SPOCK3: variants seen among roughly 807,000 people sequenced by gnomAD.
SPOCK3 encodes the protein testican-3.
Under a neutral mutation model 56.6 loss-of-function variants are expected in SPOCK3, and 30 were observed. The observed-to-expected ratio is 0.53, with a 90% CI of 0.40 to 0.72. The LOEUF (loss-of-function observed/expected upper bound fraction) is 0.72, where lower values mean the gene tolerates loss of function less well. Among genes scored for constraint, SPOCK3 ranks in the 30% least tolerant of loss-of-function variants. The pLI is 0.00. For synonymous variants in SPOCK3, 196 were observed against 183.3 expected (o/e 1.07, Z -0.56); for missense variants, 527 against 530.0 (o/e 0.99, Z 0.06).
At chr4:167,182,384 G>A (rs1160839046) in intron 2 of SPOCK3, among the ~76,000 whole-genome samples, 2 of 133,264 alleles carry the variant, frequency 1.5e-5, no homozygotes, top group Non-Finnish European at 3.2e-5. Flanking sequence ...ATTCTAGAAG[G>A]AATTCCTTAA....
At chr4:167,070,126 T>C (rs957810738) in intron 2 of SPOCK3, among the ~76,000 whole-genome samples, 9 of 151,868 alleles carry the variant, frequency 5.9e-5, no homozygotes, top group Non-Finnish European at 1.0e-4. Flanking sequence ...TCCACCCAAA[T>C]AGAACATAAT....
chr4:167,007,561 C>T (rs1323546244), intron 3 of SPOCK3, among the ~76,000 whole-genome samples: 4 of 152,062 alleles, frequency 2.6e-5, no homozygotes, highest in African/African-American at 9.7e-5. Flanking sequence ...CCTTACTGCA[C>T]TCTCCATAAA....
intron 2 of SPOCK3, among the ~76,000 whole-genome samples, chr4:167,105,535 A>G (rs1760043769): frequency 6.6e-6 from 1 of 150,836 alleles, no homozygotes. Context: ...AGGAAGGAAG[A>G]AACCAAGGAA....
At chr4:166,858,205 T>C (rs1730885036) in intron 6 of SPOCK3, among the ~76,000 whole-genome samples, 1 of 152,186 alleles carries the variant, frequency 6.6e-6, no homozygotes, top group Non-Finnish European at 1.5e-5. Flanking sequence ...TAAGAGTTAG[T>C]ATCTGGCAGC....
chr4:166,881,448 A>G (rs868486756), intron 6 of SPOCK3, among the ~76,000 whole-genome samples: 2 of 152,104 alleles, frequency 1.3e-5, no homozygotes, highest in African/African-American at 4.8e-5. Flanking sequence ...ACTTACTTGT[A>G]TCAAATATAT....
chr4:166,941,813 G>A (rs1741099299), intron 4 of SPOCK3, among the ~76,000 whole-genome samples: 1 of 152,092 alleles, frequency 6.6e-6, no homozygotes, highest in Admixed American at 6.6e-5. Flanking sequence ...AGTAAGAACC[G>A]AGCCTTTAGG....
rs573713632 is a variant in SPOCK3, at chr4:166,733,717, A to G, written c.*1204T>C. On this transcript the variant is annotated 3_prime_UTR_variant, in exon 11 of 11. Coordinates refer to ENST00000357545, the MANE Select transcript of SPOCK3 (RefSeq NM_001040159.2). ...CTAACTTAAATACAGCGGTTAAAGT[A>G]ATTTTTGCTACAGTTAAATCTTAAA... is the stretch of plus-strand genomic sequence containing the variant. The G allele has an allele frequency of 1.3e-5, 2 of 152,316 alleles. No individual in the cohort carries two copies. Among genetic ancestry groups the G allele is most frequent in the Non-Finnish European group, 3.0e-5 (2 of 67,784 alleles). 9.4% of individuals were successfully genotyped at this position (152,316 alleles called of 1,614,324 possible).
At chr4:167,148,187 C>T (rs981796844) in intron 2 of SPOCK3, among the ~76,000 whole-genome samples, 1 of 151,992 alleles carries the variant, frequency 6.6e-6, no homozygotes, top group African/African-American at 2.4e-5. Context: ...TATCACGAGA[C>T]ATTTTTGATT....
At chr4:166,785,976 A>G (rs1740689173) in intron 7 of SPOCK3, among the ~76,000 whole-genome samples, 1 of 152,144 alleles carries the variant, frequency 6.6e-6, no homozygotes, top group Non-Finnish European at 1.5e-5. Flanking sequence ...AAAACTATTG[A>G]CCTTAGAGTG....
chr4:166,931,266 G>T (rs1714087592), intron 4 of SPOCK3, among the ~76,000 whole-genome samples: 1 of 149,722 alleles, frequency 6.7e-6, no homozygotes, highest in South Asian at 2.1e-4. Context: ...TCAGGCGTGA[G>T]CCACCGCTCC....
At chr4:167,174,347 T>C (rs1382964929) in intron 2 of SPOCK3, among the ~76,000 whole-genome samples, 1 of 151,954 alleles carries the variant, frequency 6.6e-6, no homozygotes, top group African/African-American at 2.4e-5. Flanking sequence ...TAAAAATGCA[T>C]TTTAAGGGTA....
intron 3 of SPOCK3, among the ~76,000 whole-genome samples, chr4:167,018,241 T>C (rs1166533347): frequency 6.6e-6 from 1 of 152,134 alleles, no homozygotes; most frequent in African/African-American, 2.4e-5. Context: ...CACCTACTAT[T>C]TCTCCTTGCA....
intron 2 of SPOCK3, among the ~76,000 whole-genome samples, chr4:167,116,284 G>C (rs939930999): frequency 6.6e-6 from 1 of 151,140 alleles, no homozygotes; most frequent in Non-Finnish European, 1.5e-5. Flanking sequence ...AATAAGTGTA[G>C]CTCCAATTAT....
chr4:166,953,721 G>A (rs996524634), intron 4 of SPOCK3, among the ~76,000 whole-genome samples: 3 of 152,220 alleles, frequency 2.0e-5, no homozygotes, highest in African/African-American at 7.2e-5. Context: ...TTAAGGAAAT[G>A]TGGCACATAT....
intron 2 of SPOCK3, among the ~76,000 whole-genome samples, chr4:167,205,238 CATATTAT>C (rs1162967148): frequency 1.0e-4 from 7 of 67,498 alleles, no homozygotes; most frequent in South Asian, 3.9e-4. Flanking sequence ...ATCTATAATA[CATATTAT>C]ATATTATATA....
At chr4:167,205,326 AATATATATTATATAT>A (rs1734024023) in intron 2 of SPOCK3, among the ~76,000 whole-genome samples, 1 of 39,268 alleles carries the variant, frequency 2.5e-5, no homozygotes, top group African/African-American at 9.9e-5. Flanking sequence ...TTATATATAT[AATATATATTATATAT>A]TATATATATA....
At chr4:167,197,689 C>A (rs10213065) in intron 2 of SPOCK3, among the ~76,000 whole-genome samples, 37,512 of 151,778 alleles carry the variant, frequency 0.25, 4,921 homozygotes, top group African/African-American at 0.33. Flanking sequence ...GGACAAAAAT[C>A]AGGTTTGCCC....
chr4:167,218,773 T>C (rs1428918943), intron 2 of SPOCK3, among the ~76,000 whole-genome samples: 2 of 152,146 alleles, frequency 1.3e-5, no homozygotes, highest in Non-Finnish European at 2.9e-5. Flanking sequence ...AAAAAAACTT[T>C]AAATTCTGAA....
Position 167,215,883 on chromosome 4 carries a change from A to C in SPOCK3, c.189+18102T>G, listed in dbSNP as rs1467927520. 2.6e-5 allele frequency among the ~76,000 whole-genome samples: 4 copies of C among 152,162 alleles called. No homozygotes were observed. In the East Asian group the frequency reaches 7.7e-4, roughly 29 times the overall value. On this transcript the variant is annotated intron_variant, in intron 2 of 10. Coordinates refer to ENST00000357545, the MANE Select transcript of SPOCK3 (RefSeq NM_001040159.2). Reference sequence around the variant, plus strand: ...CTCAGAAACCTTGTTCTGTCAGCAGAAAACATGTTTCAGGAAGACTGGTAC... The same window carrying C: ...CTCAGAAACCTTGTTCTGTCAGCAGCAAACATGTTTCAGGAAGACTGGTAC...
Sources: allele counts gnomAD v4.1 joint callset (sites outside exome capture counted in the v4.1 genomes callset), GRCh38; gene constraint gnomAD v4.1.1; transcripts MANE v1.5; gene names NCBI Gene and HGNC (gene_info 2026-07-23, HGNC 2026-07-21).